Variants in NEFL observed in about 807,000 individuals in gnomAD.
The protein encoded by NEFL is neurofilament light polypeptide.
A neutral mutation model predicts 51.6 loss-of-function variants in NEFL; 36 were observed. That is an observed-to-expected ratio of 0.70 (90% CI 0.53 to 0.92). The LOEUF (loss-of-function observed/expected upper bound fraction) is 0.92, where lower values mean the gene tolerates loss of function less well. Among genes scored for constraint, NEFL ranks in the 40% least tolerant of loss-of-function variants. The pLI is 0.00. For missense variants in NEFL, 671 were observed against 722.0 expected (o/e 0.93, Z 0.81); for synonymous variants, 332 against 302.5 (o/e 1.10, Z -1.01).
rs1415859009 is a variant in NEFL, at chr8:24,956,133, T to G, written c.383A>C (p.Lys128Thr). 6.2e-7 allele frequency: 1 copy of G among 1,609,430 alleles called. No homozygotes were observed. The highest frequency in any genetic ancestry group is 8.5e-7 in the Non-Finnish European group (1 of 1,178,952). Reference protein sequence around the residue: ...LEAELLVLRQKHSEPSRFRAL... With the variant: ...LEAELLVLRQTHSEPSRFRAL... ...CCGGAAGCGGGATGGCTCGGAGTGC[T>G]TCTGGCGCAGCACCAGCAGCTCGGC... The change falls in exon 1 of 4, where the codon AAG (lysine) becomes ACG (threonine). Residue 128 changes from lysine (K) to threonine (T), a missense_variant. Transcript: ENST00000610854. The surrounding 1 kb of genome is among the most constrained non-coding windows in gnomAD (Gnocchi z 5.9).
intron 3 of NEFL, among the ~76,000 whole-genome samples, chr8:24,953,242 T>C (rs1434028388): frequency 6.6e-6 from 1 of 152,244 alleles, no homozygotes; most frequent in East Asian, 1.9e-4. Flanking sequence ...TTTTGTTCTT[T>C]AGGACACCAA....
Position 24,953,757 on chromosome 8 carries a change from G to A in NEFL, c.1208C>T (p.Thr403Ile). 1 of 1,613,460 alleles carries A rather than the reference G, an allele frequency of 6.2e-7. No homozygotes were observed. The highest frequency in any genetic ancestry group is 8.5e-7 in the Non-Finnish European group (1 of 1,179,490). The change falls in exon 3 of 4, where the codon ACC (threonine) becomes ATC (isoleucine). Residue 403 changes from threonine (T) to isoleucine (I), a missense_variant. Thr to Ile is a moderately conservative substitution (Grantham distance 89). Transcript: ENST00000610854. Reference sequence around the variant, plus strand: ...GCCACTGGTTATGCTTCCCACGCTGGTGAAACTGAGTCGGGTCTCCTCGCC... The same window carrying A: ...GCCACTGGTTATGCTTCCCACGCTGATGAAACTGAGTCGGGTCTCCTCGCC... Reference protein sequence around the residue: ...LEGEETRLSFTSVGSITSGYS... With the variant: ...LEGEETRLSFISVGSITSGYS...
At position 24,955,457 on chromosome 8, in the gene NEFL, C is replaced by G. The variant is rs930571610; in HGVS notation, c.1044+15G>C. 8 of 1,474,430 alleles carry G rather than the reference C, an allele frequency of 5.4e-6. No homozygotes were observed. Among genetic ancestry groups the G allele is most frequent in the African/African-American group, 1.4e-5 (1 of 72,076 alleles). 91.3% of individuals were successfully genotyped at this position (1,474,430 alleles called of 1,614,324 possible). ...TCGAGTCCCCCGCCCCCCTGTGTTT[C>G]TGGCCGTGCCGCACCTGCATAGCGC... On this transcript the variant is annotated intron_variant, in intron 1 of 3. Coordinates refer to ENST00000610854, the MANE Select transcript of NEFL (RefSeq NM_006158.5). This position sits in a 1 kb window ranked among gnomAD's most constrained non-coding sequence, Gnocchi z 4.0.
chr8:24,955,554 G>A lies in NEFL; in HGVS notation c.962C>T (p.Ala321Val), dbSNP rs754185324. Residue 321 changes from alanine (A) to valine (V), a missense_variant, in exon 1 of 4, where the codon GCA becomes GTA. Transcript: ENST00000610854. This position sits in a 1 kb window ranked among gnomAD's most constrained non-coding sequence, Gnocchi z 4.0. ...LLKAKTLEIE[A>V]CRGMNEALEK... ...CAGCGCTTCATTCATGCCCCGGCAT[G>A]CTTCGATTTCCAGGGTCTTGGCCTT... 2 of 1,613,586 alleles carry A rather than the reference G, an allele frequency of 1.2e-6. No homozygotes were observed. Among genetic ancestry groups the A allele is most frequent in the Admixed American group, 1.7e-5 (1 of 60,024 alleles).
Position 24,955,452 on chromosome 8 carries a change from T to A in NEFL, c.1044+20A>T, listed in dbSNP as rs373892107. ...CTTGCTCGAGTCCCCCGCCCCCCTG[T>A]GTTTCTGGCCGTGCCGCACCTGCAT... is the stretch of plus-strand genomic sequence containing the variant. On this transcript the variant is annotated intron_variant, in intron 1 of 3. Transcript: ENST00000610854. The surrounding 1 kb of genome is among the most constrained non-coding windows in gnomAD (Gnocchi z 4.0). 191 of 638,456 alleles carry A rather than the reference T, an allele frequency of 3.0e-4. No individual in the cohort carries two copies. The African/African-American group carries it at 3.3e-3, about 11-fold the overall frequency. 39.5% of individuals were successfully genotyped at this position (638,456 alleles called of 1,614,324 possible). A position where few individuals can be genotyped will look rare whatever the true frequency, so the allele number is the denominator to read the frequency against.
rs369991241 is a variant in NEFL, at chr8:24,953,655, C to T, written c.1310G>A (p.Arg437His). Residue 437 changes from arginine to histidine, a missense_variant, in exon 3 of 4, where the codon CGC becomes CAC. Physicochemically the swap from Arg to His is conservative, Grantham distance 29 (BLOSUM62 0). Transcript: ENST00000610854. ...LQTSSYLMST[R>H]SFPSYYTSHV... ...GCTGGTGTAGTAGGACGGGAAGGAG[C>T]GGGTGGACATCAGATAGGAGCTGGT... The T allele has an allele frequency of 2.7e-5, 44 of 1,613,796 alleles. No homozygotes were observed. Among genetic ancestry groups the T allele is most frequent in the African/African-American group, 1.3e-4 (10 of 74,896 alleles).
rs779821785 is a variant in NEFL, at chr8:24,956,458, C to G, written c.58G>C (p.Glu20Gln). Residue 20 changes from glutamate (E) to glutamine (Q), a missense_variant, in exon 1 of 4, where the codon GAG becomes CAG. Coordinates refer to ENST00000610854, the MANE Select transcript of NEFL (RefSeq NM_006158.5). This position sits in a 1 kb window ranked among gnomAD's most constrained non-coding sequence, Gnocchi z 5.9. Reference protein sequence around the residue: ...YSTSYKRRYVETPRVHISSVR... With the variant: ...YSTSYKRRYVQTPRVHISSVR... ...CTGGAGATGTGCACCCGGGGCGTCT[C>G]CACGTAGCGCCGCTTGTAGGAGGTC... 4.4e-6 allele frequency: 7 copies of G among 1,604,224 alleles called. No individual in the cohort carries two copies. The highest frequency in any genetic ancestry group is 6.0e-6 in the Non-Finnish European group (7 of 1,176,134).
At position 24,956,033 on chromosome 8, in the gene NEFL, C is replaced by T. The variant is rs1312035482; in HGVS notation, c.483G>A (p.Gln161=). 2 of 1,604,172 alleles carry T rather than the reference C, an allele frequency of 1.2e-6. No homozygotes were observed. Among genetic ancestry groups the T allele is most frequent in the Non-Finnish European group, 1.7e-6 (2 of 1,178,868 alleles). ...EDATNEKQAL[Q]GEREGLEETL... Reference sequence around the variant, plus strand: ...TCTCCTCCAGCCCTTCGCGCTCGCCCTGGAGCGCCTGCTTCTCGTTGGTGG... The same window carrying T: ...TCTCCTCCAGCCCTTCGCGCTCGCCTTGGAGCGCCTGCTTCTCGTTGGTGG... Residue 161 remains glutamine, a synonymous_variant, in exon 1 of 4, where the codon CAG becomes CAA. Transcript: ENST00000610854. This position sits in a 1 kb window ranked among gnomAD's most constrained non-coding sequence, Gnocchi z 5.9.
In NEFL at chr8:24,951,338, A is replaced by G. The variant is rs1018199786; in HGVS notation, c.*1472T>C. ...ACCACTTTGGTTTCAGGTTAAATTAATAACTTATAGAGATCGTCTAAAAAA... is the reference window on the plus strand; with the variant it reads ...ACCACTTTGGTTTCAGGTTAAATTAGTAACTTATAGAGATCGTCTAAAAAA... On this transcript the variant is annotated 3_prime_UTR_variant, in exon 4 of 4. Coordinates refer to ENST00000610854, the MANE Select transcript of NEFL (RefSeq NM_006158.5). The G allele has an allele frequency of 3.9e-5, 6 of 152,224 alleles. No individual in the cohort carries two copies. Among genetic ancestry groups the G allele is most frequent in the African/African-American group, 1.4e-4 (6 of 41,462 alleles). 9.4% of individuals were successfully genotyped at this position (152,224 alleles called of 1,614,324 possible). A position where few individuals can be genotyped will look rare whatever the true frequency, so the allele number is the denominator to read the frequency against.
Position 24,956,547 on chromosome 8 carries a change from G to A in NEFL, c.-32C>T, listed in dbSNP as rs1294825677. 6.4e-7 allele frequency: 1 copy of A among 1,558,304 alleles called. No homozygotes were observed. Among genetic ancestry groups the A allele is most frequent in the Non-Finnish European group, 8.7e-7 (1 of 1,150,454 alleles). ...GGCCGGTGGCTCCCCGGCCCGCGGC[G>A]GCGGTGGGAGCCCGGAGAGAGAGGA... is the stretch of plus-strand genomic sequence containing the variant. On this transcript the variant is annotated 5_prime_UTR_variant, in exon 1 of 4. Coordinates refer to ENST00000610854, the MANE Select transcript of NEFL (RefSeq NM_006158.5). The surrounding 1 kb of genome is among the most constrained non-coding windows in gnomAD (Gnocchi z 5.9).
chr8:24,953,253 C>T (rs1802993680), intron 3 of NEFL, among the ~76,000 whole-genome samples: 1 of 152,164 alleles, frequency 6.6e-6, no homozygotes. Flanking sequence ...AGGACACCAA[C>T]CTGCTGTGTT....
Position 24,955,300 on chromosome 8 carries a change from C to A in NEFL, c.1044+172G>T. On this transcript the variant is annotated intron_variant, in intron 1 of 3. Coordinates refer to ENST00000610854, the MANE Select transcript of NEFL (RefSeq NM_006158.5). This position sits in a 1 kb window ranked among gnomAD's most constrained non-coding sequence, Gnocchi z 4.0. ...CACACTCCCAGACTACAGTGGCGCC[C>A]GCACTCACGCCCTTCAAGTGCCCCA... 4.6e-6 allele frequency: 3 copies of A among 654,236 alleles called. No individual in the cohort carries two copies. The highest frequency in any genetic ancestry group is 2.7e-5 in the East Asian group (1 of 36,424). The allele number at this position is 654,236 out of a possible 1,614,324, so 40.5% of individuals were successfully genotyped here.
Position 24,952,941 on chromosome 8 carries a change from C to T in NEFL, c.1501G>A (p.Glu501Lys), listed in dbSNP as rs1193673736. The change falls in exon 4 of 4, where the codon GAG becomes AAG. Residue 501 changes from glutamate to lysine, a missense_variant. By Grantham distance (56) the Glu-to-Lys change is moderately conservative. Transcript: ENST00000610854. ...TCTTCTTCTTTTGCTTCTTCAGACT[C>T]TTCCTTGGCAGCTTTAACATAAAAA... is the stretch of plus-strand genomic sequence containing the variant. ...AAEEEEAAKE[E>K]SEEAKEEEEG... is the part of the protein sequence containing the mutation. The T allele has an allele frequency of 6.2e-7, 1 of 1,610,858 alleles. No homozygotes were observed. The highest frequency in any genetic ancestry group is 8.5e-7 in the Non-Finnish European group (1 of 1,179,018).
chr8:24,955,981 C>A lies in NEFL; in HGVS notation c.535G>T (p.Glu179Ter). ...TCCTCGCGGCTCAGCACCTCCTCTT[C>A]ATAGCGCGCCTGCAGGTTGCGCAGG... ...ETLRNLQARY[E>*]EEVLSREDAE... The change falls in exon 1 of 4, where the codon GAA becomes TAA. Residue 179 changes from glutamate (E) to a stop codon, truncating the protein, a stop_gained. Transcript: ENST00000610854. LOFTEE classifies it high-confidence loss of function. This position sits in a 1 kb window ranked among gnomAD's most constrained non-coding sequence, Gnocchi z 4.0. The A allele has an allele frequency of 6.2e-7, 1 of 1,603,360 alleles. No individual in the cohort carries two copies.
Position 24,956,125 on chromosome 8 carries a change from C to T in NEFL, c.391G>A (p.Glu131Lys). 4 of 1,608,704 alleles carry T rather than the reference C, an allele frequency of 2.5e-6. No homozygotes were observed. Among genetic ancestry groups the T allele is most frequent in the African/African-American group, 1.3e-5 (1 of 75,032 alleles). Residue 131 changes from glutamate (E) to lysine (K), a missense_variant, in exon 1 of 4, where the codon GAG becomes AAG. Coordinates refer to ENST00000610854, the MANE Select transcript of NEFL (RefSeq NM_006158.5). This position sits in a 1 kb window ranked among gnomAD's most constrained non-coding sequence, Gnocchi z 5.9. ...ELLVLRQKHS[E>K]PSRFRALYEQ... ...TACAGCGCCCGGAAGCGGGATGGCT[C>T]GGAGTGCTTCTGGCGCAGCACCAGC...
rs1292892122 is a variant in NEFL at position 24,955,309 on chromosome 8, G to C, written c.1044+163C>G. ...AGACTACAGTGGCGCCCGCACTCAC[G>C]CCCTTCAAGTGCCCCACCCCTCCCA... On this transcript the variant is annotated intron_variant, in intron 1 of 3. Transcript: ENST00000610854. This position sits in a 1 kb window ranked among gnomAD's most constrained non-coding sequence, Gnocchi z 4.0. 1 of 679,250 alleles carries C rather than the reference G, an allele frequency of 1.5e-6. No individual in the cohort carries two copies. The highest frequency in any genetic ancestry group is 2.4e-6 in the Non-Finnish European group (1 of 412,000). The allele number at this position is 679,250 out of a possible 1,614,324, so 42.1% of individuals were successfully genotyped here. A position where few individuals can be genotyped will look rare whatever the true frequency, so the allele number is the denominator to read the frequency against.
intron 1 of NEFL, 113 bp from the exon 2 acceptor site, chr8:24,954,418 C>CTTGA: frequency 8.3e-7 from 1 of 1,212,066 alleles, no homozygotes; most frequent in Non-Finnish European, 1.1e-6. Flanking sequence ...AGGTGCACAC[C>CTTGA]TTTGATAAAA....
chr8:24,955,271 G>C lies in NEFL; in HGVS notation c.1044+201C>G, dbSNP rs542009904. 1.0e-5 allele frequency: 6 copies of C among 586,842 alleles called. No individual in the cohort carries two copies. Among genetic ancestry groups the C allele is most frequent in the Non-Finnish European group, 1.8e-5 (6 of 337,142 alleles). 36.4% of individuals were successfully genotyped at this position (586,842 alleles called of 1,614,324 possible). ...ATGCGGAACGCCGGTGCAGCAGCAC[G>C]GAGCACACTCCCAGACTACAGTGGC... On this transcript the variant is annotated intron_variant, in intron 1 of 3. Transcript: ENST00000610854. This position sits in a 1 kb window ranked among gnomAD's most constrained non-coding sequence, Gnocchi z 4.0.
intron 2 of NEFL, 54 bp from the exon 3 acceptor site, chr8:24,953,849 C>T: frequency 6.6e-7 from 1 of 1,522,382 alleles, no homozygotes; most frequent in Admixed American, 2.1e-5. Flanking sequence ...TCACAACTTG[C>T]TCTGAGTACC....
Sources: allele counts gnomAD v4.1 joint callset (sites outside exome capture counted in the v4.1 genomes callset), GRCh38; gene constraint gnomAD v4.1.1; non-coding constraint Gnocchi (gnomAD v3.1); transcripts MANE v1.5; gene names NCBI Gene and HGNC (gene_info 2026-07-23, HGNC 2026-07-21).